CTDP1: variants seen among roughly 807,000 people sequenced by gnomAD.
CTDP1 encodes RNA polymerase II subunit A C-terminal domain phosphatase.
Under a neutral mutation model 91.8 loss-of-function variants are expected in CTDP1, and 47 were observed. That is an observed-to-expected ratio of 0.51 (90% CI 0.41 to 0.65). The LOEUF (loss-of-function observed/expected upper bound fraction) is 0.65, where lower values mean the gene tolerates loss of function less well. Among genes scored for constraint, CTDP1 ranks in the 30% least tolerant of loss-of-function variants. The pLI, the probability that CTDP1 is intolerant of heterozygous loss-of-function variation, is 0.00. For synonymous variants in CTDP1, 656 were observed against 598.5 expected (o/e 1.10, Z -1.40); for missense variants, 1,272 against 1,373.7 (o/e 0.93, Z 1.17).
rs2086120973 is a variant in CTDP1 at position 79,713,341 on chromosome 18, G to A, written c.1030+203G>A. 6.6e-6 allele frequency among the ~76,000 whole-genome samples: 1 copy of A among 152,092 alleles called. No individual in the cohort carries two copies. Among genetic ancestry groups the A allele is most frequent in the African/African-American group, 2.4e-5 (1 of 41,382 alleles). On this transcript the variant is annotated intron_variant, in intron 7 of 12. Transcript: ENST00000613122. The surrounding 1 kb of genome is among the most constrained non-coding windows in gnomAD (Gnocchi z 4.7). ...TTTCAATTTGGGCTTTAAAAAAAAT[G>A]GCCCTCACTTAAGCGTTTTCCCAGT...
At chr18:79,692,912 G>A (rs1210796582) in intron 1 of CTDP1, among the ~76,000 whole-genome samples, 1 of 152,260 alleles carries the variant, frequency 6.6e-6, no homozygotes, top group African/African-American at 2.4e-5. Flanking sequence ...TCCCAAGTGG[G>A]GTTGCTGCCA....
intron 10 of CTDP1, among the ~76,000 whole-genome samples, chr18:79,718,623 G>C (rs1033294709): frequency 9.2e-5 from 14 of 152,160 alleles, no homozygotes; most frequent in African/African-American, 3.1e-4. Flanking sequence ...GTTTGCCCGC[G>C]TGGACCCGAG....
chr18:79,737,968 A>G (rs1031534545), intron 12 of CTDP1, among the ~76,000 whole-genome samples: 6 of 152,024 alleles, frequency 3.9e-5, no homozygotes, highest in African/African-American at 1.5e-4. Flanking sequence ...CCTGTTTCTG[A>G]ATCCCTGGCT....
intron 12 of CTDP1, among the ~76,000 whole-genome samples, chr18:79,744,592 CAAAG>C (rs1393216445): frequency 1.3e-5 from 2 of 152,154 alleles, no homozygotes; most frequent in African/African-American, 4.8e-5. Context: ...TGAATTTAAA[CAAAG>C]AATGCTTCTA....
chr18:79,710,259 TA>T (rs912338717), intron 5 of CTDP1, 86 bp from the exon 6 acceptor site: 40 of 1,078,796 alleles, frequency 3.7e-5, no homozygotes, highest in Non-Finnish European at 4.9e-5. Context: ...TCTGCCACTT[TA>T]AAAAAAACAT....
intron 6 of CTDP1, among the ~76,000 whole-genome samples, chr18:79,711,805 C>T (rs781727061): frequency 2.6e-5 from 4 of 152,344 alleles, no homozygotes; most frequent in Admixed American, 1.3e-4. Flanking sequence ...CCCGCCCCTC[C>T]GCAAAGACTT....
intron 10 of CTDP1, among the ~76,000 whole-genome samples, chr18:79,719,298 G>T (rs190105394): frequency 6.6e-6 from 1 of 152,140 alleles, no homozygotes; most frequent in African/African-American, 2.4e-5. Context: ...AGGAGGAGTC[G>T]GGTCGGGTGA....
At chr18:79,743,779 C>G (rs1416244754) in intron 12 of CTDP1, among the ~76,000 whole-genome samples, 1 of 152,174 alleles carries the variant, frequency 6.6e-6, no homozygotes, top group Non-Finnish European at 1.5e-5. Flanking sequence ...ATGCTAAACC[C>G]AAGAGCAGAA....
At chr18:79,719,507 C>T (rs2086290234) in intron 10 of CTDP1, among the ~76,000 whole-genome samples, 1 of 152,070 alleles carries the variant, frequency 6.6e-6, no homozygotes, top group Admixed American at 6.6e-5. Context: ...AAGGTGTCCT[C>T]GTGATGATGT....
intron 4 of CTDP1, among the ~76,000 whole-genome samples, chr18:79,700,367 A>G (rs1453121142): frequency 2.0e-5 from 3 of 152,238 alleles, no homozygotes; most frequent in Non-Finnish European, 4.4e-5. Context: ...GCAAACTAAA[A>G]ATACTACTTC....
intron 12 of CTDP1, among the ~76,000 whole-genome samples, chr18:79,742,745 G>A (rs1013985908): frequency 4.6e-5 from 7 of 152,186 alleles, no homozygotes; most frequent in Non-Finnish European, 8.8e-5. Flanking sequence ...ATGACTTGAG[G>A]TCAGGAGTTC....
chr18:79,754,363 C>T lies in CTDP1; in HGVS notation c.*573C>T, dbSNP rs971300348. ...CTGGGCTGCCATCCTGCCGTCCTCC[C>T]ACTGGCATCCTGGCAAGGGGGCGTT... On this transcript the variant is annotated 3_prime_UTR_variant, in exon 13 of 13. Coordinates refer to ENST00000613122, the MANE Select transcript of CTDP1 (RefSeq NM_004715.5). 3.2e-5 allele frequency: 5 copies of T among 155,784 alleles called. No individual in the cohort carries two copies. Among genetic ancestry groups the T allele is most frequent in the Admixed American group, 2.5e-4 (4 of 15,992 alleles). The allele number at this position is 155,784 out of a possible 1,614,324, so 9.7% of individuals were successfully genotyped here.
downstream of CTDP1, chr18:79,755,164 A>G (rs942565746): frequency 1.3e-5 from 2 of 152,144 alleles, no homozygotes; most frequent in African/African-American, 4.8e-5. Flanking sequence ...TGTCGTCAAG[A>G]TGCGGCGACA....
chr18:79,750,910 T>C (rs1440107452), intron 12 of CTDP1, among the ~76,000 whole-genome samples: 1 of 151,500 alleles, frequency 6.6e-6, no homozygotes, highest in East Asian at 1.9e-4. Flanking sequence ...AGTTCCCATC[T>C]TACAGAGCGG....
At chr18:79,706,375 A>G (rs1299028252) in intron 5 of CTDP1, among the ~76,000 whole-genome samples, 2 of 152,212 alleles carry the variant, frequency 1.3e-5, no homozygotes, top group Admixed American at 6.5e-5. Context: ...CGTTGCAGCC[A>G]GTGCCAGGCA....
intron 1 of CTDP1, among the ~76,000 whole-genome samples, chr18:79,692,784 G>A (rs1164550921): frequency 6.6e-6 from 1 of 152,136 alleles, no homozygotes; most frequent in African/African-American, 2.4e-5. Flanking sequence ...AGAATGAGGA[G>A]CCTGCCATGA....
intron 4 of CTDP1, among the ~76,000 whole-genome samples, chr18:79,703,923 G>A (rs933904763): frequency 6.6e-6 from 1 of 152,100 alleles, no homozygotes; most frequent in African/African-American, 2.4e-5. Context: ...CTGGTTATCG[G>A]GGGTGGTTAT....
chr18:79,706,213 C>T (rs1237949701), intron 5 of CTDP1, among the ~76,000 whole-genome samples: 6 of 152,188 alleles, frequency 3.9e-5, no homozygotes, highest in African/African-American at 7.2e-5. Context: ...GCGCCGTGGT[C>T]GGACGCCGGC....
intron 10 of CTDP1, among the ~76,000 whole-genome samples, chr18:79,726,456 A>G (rs149629159): frequency 0.012 from 1,792 of 152,156 alleles, 18 homozygotes; most frequent in Non-Finnish European, 0.019. Context: ...CTGCCCTCTC[A>G]GCTTGGCCCT....
Sources: gnomAD v4.1 joint callset for allele counts (sites outside exome capture counted in the v4.1 genomes callset) on GRCh38, gnomAD v4.1.1 for gene constraint, Gnocchi (gnomAD v3.1) non-coding constraint, MANE v1.5 for transcripts, NCBI Gene and HGNC (gene_info 2026-07-23, HGNC 2026-07-21) for gene names.